DHX40: variants seen among roughly 807,000 people sequenced by gnomAD.
DHX40 encodes DEAH-box helicase 40.
DHX40 carries 28 observed loss-of-function variants against 89.6 expected under a neutral mutation model. The observed-to-expected ratio is 0.31, with a 90% CI of 0.23 to 0.43. The LOEUF (loss-of-function observed/expected upper bound fraction) is 0.43, where lower values mean the gene tolerates loss of function less well. Ranked by LOEUF, DHX40 falls within the 20% of genes least tolerant of loss-of-function variation. The probability of loss-of-function intolerance (pLI) is 1.00; values close to 1 mark genes in which losing one functional copy is unlikely to be tolerated. For missense variants in DHX40, 457 were observed against 844.0 expected, an observed-to-expected ratio of 0.54 and a Z score of 5.68; for synonymous variants, 226 against 283.6, an observed-to-expected ratio of 0.80 and a Z score of 2.04.
At position 59,577,833 on chromosome 17, in the gene DHX40, A is replaced by G. The variant is rs1423906902; in HGVS notation, c.1073+468A>G. ...TGTATAATGCTTTATGGGTTTCACTAAATAGGAAGCCAAACCTATTTTTCT... is the reference window on the plus strand; with the variant it reads ...TGTATAATGCTTTATGGGTTTCACTGAATAGGAAGCCAAACCTATTTTTCT... On this transcript the variant is annotated intron_variant, in intron 8 of 17. Transcript: ENST00000251241. Among the ~76,000 whole-genome samples the G allele has an allele frequency of 3.9e-5, 6 of 152,020 alleles. 1 individual carries two copies. The East Asian group carries it at 9.6e-4, about 24-fold the overall frequency.
chr17:59,569,817 A>C (rs1333745359), intron 2 of DHX40, among the ~76,000 whole-genome samples: 1 of 146,094 alleles, frequency 6.8e-6, no homozygotes, highest in East Asian at 2.0e-4. Context: ...AGGCAGAGGC[A>C]AGTGGATCAC....
chr17:59,605,157 C>T lies in DHX40; in HGVS notation c.1944C>T (p.Ser648=). 1 of 1,613,918 alleles carries T rather than the reference C, an allele frequency of 6.2e-7. No individual in the cohort carries two copies. Among genetic ancestry groups the T allele is most frequent in the Non-Finnish European group, 8.5e-7 (1 of 1,179,932 alleles). ...TTTGCACAATGGATGGTCGTGGAAGCCCAGTTCACATTCATCCTTCCTCAG... is the reference window on the plus strand; with the variant it reads ...TTTGCACAATGGATGGTCGTGGAAGTCCAGTTCACATTCATCCTTCCTCAG... The part of the protein sequence containing the change: ...RTFCTMDGRG[S]PVHIHPSSAL... Residue 648 remains serine (S), a synonymous_variant, in exon 16 of 18, where the codon AGC becomes AGT. Coordinates refer to ENST00000251241, the MANE Select transcript of DHX40 (RefSeq NM_024612.5).
intron 3 of DHX40, among the ~76,000 whole-genome samples, chr17:59,571,477 G>T (rs1450048513): frequency 6.8e-6 from 1 of 148,004 alleles, no homozygotes; most frequent in African/African-American, 2.5e-5. Context: ...AAAAAAATGT[G>T]TTCACAATGT....
Position 59,575,467 on chromosome 17 carries a change from A to G in DHX40, c.969A>G (p.Thr323=), listed in dbSNP as rs1365871861. The change falls in exon 7 of 18, where the codon ACA becomes ACG. Residue 323 remains threonine (T), a synonymous_variant. Coordinates refer to ENST00000251241, the MANE Select transcript of DHX40 (RefSeq NM_024612.5). ...LLILPCYGSM[T]TDQQRRIFLP... The stretch of plus-strand genomic sequence containing the variant: ...TATTGCCGTGTTATGGATCAATGAC[A>G]ACAGGTAATTTCTCATTAGAATAGA... The G allele has an allele frequency of 2.5e-5, 41 of 1,611,618 alleles. No homozygotes were observed. The highest frequency in any genetic ancestry group is 5.0e-5 in the Admixed American group (3 of 59,616).
chr17:59,588,230 A>AAAAAACAAAAAAAAAC (rs1555593660), intron 12 of DHX40, among the ~76,000 whole-genome samples, 177 bp downstream of exon 12: 1 of 142,084 alleles, frequency 7.0e-6, no homozygotes. Context: ...AAAAAAAAAA[A>AAAAAACAAAAAAAAAC]AAAAAAAAAA....
intron 12 of DHX40, among the ~76,000 whole-genome samples, chr17:59,590,466 A>G (rs1454986503): frequency 6.6e-6 from 1 of 151,234 alleles, no homozygotes; most frequent in Non-Finnish European, 1.5e-5. Flanking sequence ...TTTTAATTTA[A>G]AAAATTTTTA....
intron 12 of DHX40, among the ~76,000 whole-genome samples, chr17:59,592,718 G>C (rs1431597826): frequency 1.6e-4 from 16 of 102,836 alleles, no homozygotes; most frequent in African/African-American, 4.0e-4. Context: ...GCTGGGATTA[G>C]AGGTCCCCGA....
At chr17:59,574,634 TAGAA>T (rs1194158362) in intron 6 of DHX40, among the ~76,000 whole-genome samples, 1 of 149,328 alleles carries the variant, frequency 6.7e-6, no homozygotes, top group Non-Finnish European at 1.5e-5. Flanking sequence ...GACCTTTTAA[TAGAA>T]AGAAATTAAA....
chr17:59,566,319 G>C (rs1174601648), intron 1 of DHX40, among the ~76,000 whole-genome samples: 1 of 152,168 alleles, frequency 6.6e-6, no homozygotes, highest in Non-Finnish European at 1.5e-5. Context: ...ATTGAGTTTT[G>C]TGCTTCTGTG....
chr17:59,565,847 A>G (rs1598126666), intron 1 of DHX40, 64 bp downstream of exon 1: 1 of 1,372,704 alleles, frequency 7.3e-7, no homozygotes, highest in Non-Finnish European at 9.9e-7. Context: ...TGGTGGGGGG[A>G]TGAAAGTACG....
Position 59,577,130 on chromosome 17 carries a change from A to C in DHX40, c.974-136A>C, listed in dbSNP as rs756883483. On this transcript the variant is annotated intron_variant, in intron 7 of 17. Coordinates refer to ENST00000251241, the MANE Select transcript of DHX40 (RefSeq NM_024612.5). The stretch of plus-strand genomic sequence containing the variant: ...GTGATCCTCCCGCCTCAGCCTCCCA[A>C]AGTGCTGGGATTACAGGCGTGAGTC... The C allele has an allele frequency of 3.2e-5, 23 of 712,768 alleles. 1 individual carries two copies. Among genetic ancestry groups the C allele is most frequent in the Middle Eastern group, 2.3e-4 (1 of 4,320 alleles). 44.2% of individuals were successfully genotyped at this position (712,768 alleles called of 1,614,324 possible).
intron 7 of DHX40, among the ~76,000 whole-genome samples, chr17:59,575,992 C>T (rs1316465752): frequency 2.8e-3 from 407 of 147,154 alleles, no homozygotes; most frequent in African/African-American, 8.9e-3. Context: ...TGGGTTCAAG[C>T]GATTCTCCTT....
chr17:59,595,383 A>G (rs1443186364), intron 12 of DHX40, among the ~76,000 whole-genome samples: 3 of 152,170 alleles, frequency 2.0e-5, no homozygotes, highest in Admixed American at 1.3e-4. Context: ...CACTCGGCCA[A>G]TTTTTTCAAT....
At chr17:59,576,980 C>G (rs1450768779) in intron 7 of DHX40, 1 of 363,922 alleles carries the variant, frequency 2.7e-6, no homozygotes, top group South Asian at 2.2e-5. Context: ...AGCAATTCTC[C>G]TGCCTCAGCC....
At chr17:59,583,618 C>T (rs1305916491) in intron 10 of DHX40, among the ~76,000 whole-genome samples, 3 of 142,110 alleles carry the variant, frequency 2.1e-5, no homozygotes, top group Non-Finnish European at 3.2e-5. Flanking sequence ...CGGTGGCTCA[C>T]GCCTGTAATC....
chr17:59,565,702 G>A lies in DHX40; in HGVS notation c.31G>A (p.Ala11Thr). The A allele has an allele frequency of 6.2e-7, 1 of 1,603,436 alleles. No homozygotes were observed. The part of the protein sequence containing the change: MSRFPAVAGR[A>T]PRRQEEGERS... ...CCGGTTTCCCGCAGTCGCGGGCAGG[G>A]CGCCAAGGCGGCAGGAGGAGGGTGA... The change falls in exon 1 of 18, where the codon GCG becomes ACG. Residue 11 changes from alanine to threonine, a missense_variant. By Grantham distance (58) the Ala-to-Thr change is moderately conservative (BLOSUM62 0). Coordinates refer to ENST00000251241, the MANE Select transcript of DHX40 (RefSeq NM_024612.5).
intron 4 of DHX40, among the ~76,000 whole-genome samples, 187 bp downstream of exon 4, chr17:59,573,422 T>G (rs1331910267): frequency 2.6e-5 from 4 of 152,146 alleles, no homozygotes; most frequent in Non-Finnish European, 1.5e-5. Context: ...CTTGAACTCC[T>G]GGGCTCAAGT....
chr17:59,569,781 C>T (rs2048766164), intron 2 of DHX40, among the ~76,000 whole-genome samples: 1 of 142,768 alleles, frequency 7.0e-6, no homozygotes, highest in African/African-American at 2.7e-5. Flanking sequence ...CGTGGTGTCT[C>T]AAGCCTATAA....
intron 12 of DHX40, among the ~76,000 whole-genome samples, chr17:59,588,443 C>T (rs540665749): frequency 6.6e-6 from 1 of 151,402 alleles, no homozygotes; most frequent in South Asian, 2.1e-4. Flanking sequence ...AGGGATCACT[C>T]TTTGTGTTAT....
Sources: allele counts gnomAD v4.1 joint callset (sites outside exome capture counted in the v4.1 genomes callset), GRCh38; gene constraint gnomAD v4.1.1; transcripts MANE v1.5; gene names NCBI Gene and HGNC (gene_info 2026-07-23, HGNC 2026-07-21).